The following EHMT2 variants were observed in gnomAD, a reference collection of about 807,000 sequenced individuals.
The protein encoded by EHMT2 is euchromatic histone lysine methyltransferase 2.
A neutral mutation model predicts 143.3 loss-of-function variants in EHMT2; 59 were observed. The observed-to-expected ratio is 0.41, with a 90% confidence interval of 0.33 to 0.51. The LOEUF (loss-of-function observed/expected upper bound fraction) is 0.51. EHMT2 is among the 20% of genes least tolerant of loss of function. EHMT2 has a pLI of 0.18. For missense variants in EHMT2, 1,174 were observed against 1,645.9 expected (o/e 0.71, Z 4.96); for synonymous variants, 604 against 651.5 (o/e 0.93, Z 1.11).
Position 31,883,199 on chromosome 6 carries a change from G to A in EHMT2, c.2994+163C>T, listed in dbSNP as rs1453485948. ...TAGACCTGGGCACACGCCCATCGCT[G>A]TCCCAGCCACATCCCAGGATTCCCA... On this transcript the variant is annotated intron_variant, in intron 23 of 27. Transcript: ENST00000375537. The surrounding 1 kb of genome is among the most constrained non-coding windows in gnomAD (Gnocchi z 5.6). 4 of 884,070 alleles carry A rather than the reference G, an allele frequency of 4.5e-6. No individual in the cohort carries two copies. In the African/African-American group the frequency reaches 5.0e-5, roughly 11 times the overall value. 54.8% of individuals were successfully genotyped at this position (884,070 alleles called of 1,614,324 possible). A position where few individuals can be genotyped will look rare whatever the true frequency, so the allele number is the denominator to read the frequency against.
chr6:31,886,399 T>C, intron 18 of EHMT2, 182 bp downstream of exon 18: 1 of 609,158 alleles, frequency 1.6e-6, no homozygotes, highest in Non-Finnish European at 2.8e-6. Context: ...TGAAACTTGA[T>C]AAAGAGAAAG....
chr6:31,892,347 G>A (rs1765797649), intron 7 of EHMT2, 60 bp downstream of exon 7: 2 of 1,580,584 alleles, frequency 1.3e-6, no homozygotes, highest in Non-Finnish European at 1.7e-6. Context: ...AGGAGGACTG[G>A]ACAGTGAGCC....
In EHMT2 at chr6:31,883,165, T is replaced by C. The variant is rs986999546; in HGVS notation, c.2995-156A>G. On this transcript the variant is annotated intron_variant, in intron 23 of 27. Coordinates refer to ENST00000375537, the Ensembl canonical transcript of EHMT2. This position sits in a 1 kb window ranked among gnomAD's most constrained non-coding sequence, Gnocchi z 5.6. ...GCACGAAATGCAGGAGCATCATCCC[T>C]GGTTTGCATAGACCTGGGCACACGC... 1.2e-6 allele frequency: 1 copy of C among 859,778 alleles called. No individual in the cohort carries two copies. Among genetic ancestry groups the C allele is most frequent in the Non-Finnish European group, 1.9e-6 (1 of 536,544 alleles). 53.3% of individuals were successfully genotyped at this position (859,778 alleles called of 1,614,324 possible).
At position 31,880,106 on chromosome 6, in the gene EHMT2, G is replaced by A. The variant is rs1463520444; in HGVS notation, c.3611C>T (p.Ser1204Phe). ...TTCTCATGTGTTGACAGGGGGCAGG[G>A]AGCCGAGCTCGGGCAGCAGCTCAGG... Residue 1204 changes from serine (S) to phenylalanine (F), a missense_variant, in exon 28 of 28, where the codon TCC becomes TTC. Ser to Phe is a radical substitution (Grantham distance 155, BLOSUM62 -2). This residue lies in a region of EHMT2 where 42 missense variants were observed against 45.1 expected (regional missense o/e 0.93). Coordinates refer to ENST00000375537, the Ensembl canonical transcript of EHMT2. This position sits in a 1 kb window ranked among gnomAD's most constrained non-coding sequence, Gnocchi z 6.6. 7 of 1,612,650 alleles carry A rather than the reference G, an allele frequency of 4.3e-6. No individual in the cohort carries two copies. Among genetic ancestry groups the A allele is most frequent in the Non-Finnish European group, 5.9e-6 (7 of 1,179,996 alleles).
chr6:31,892,460 T>G, exon 7 of EHMT2: 3 of 1,613,006 alleles, frequency 1.9e-6, no homozygotes, highest in African/African-American at 1.3e-5. Context: ...TAGTAGAGAC[T>G]GAAGTCATCA....
In EHMT2 at chr6:31,881,157, C is replaced by T; in HGVS notation, c.3198-65G>A. Reference sequence around the variant, plus strand: ...GCTATTAGGAGGTGGCTCCAGGCCCCATCTCTCTTCACAAGCCTGTGGAAT... The same window carrying T: ...GCTATTAGGAGGTGGCTCCAGGCCCTATCTCTCTTCACAAGCCTGTGGAAT... On this transcript the variant is annotated intron_variant, in intron 25 of 27. Transcript: ENST00000375537. This position sits in a 1 kb window ranked among gnomAD's most constrained non-coding sequence, Gnocchi z 4.8. 2.2e-6 allele frequency: 3 copies of T among 1,370,060 alleles called. No individual in the cohort carries two copies. The highest frequency in any genetic ancestry group is 2.1e-6 in the Non-Finnish European group (2 of 961,604). The allele number at this position is 1,370,060 out of a possible 1,614,324, so 84.9% of individuals were successfully genotyped here.
At position 31,883,513 on chromosome 6, in the gene EHMT2, C is replaced by A. The variant is rs573099934; in HGVS notation, c.2917-74G>T. The A allele has an allele frequency of 2.1e-6, 3 of 1,439,756 alleles. No homozygotes were observed. Among genetic ancestry groups the A allele is most frequent in the Middle Eastern group, 1.7e-4 (1 of 5,772 alleles). 89.2% of individuals were successfully genotyped at this position (1,439,756 alleles called of 1,614,324 possible). A position where few individuals can be genotyped will look rare whatever the true frequency, so the allele number is the denominator to read the frequency against. The stretch of plus-strand genomic sequence containing the variant: ...CCCTCTACTCTTGATGCCCCCTGAC[C>A]CCCTAACCACTGTCCTTTCTTTGGG... On this transcript the variant is annotated intron_variant, in intron 22 of 27. Coordinates refer to ENST00000375537, the Ensembl canonical transcript of EHMT2. The surrounding 1 kb of genome is among the most constrained non-coding windows in gnomAD (Gnocchi z 5.6).
chr6:31,880,391 G>T lies in EHMT2; in HGVS notation c.3453-127C>A. 9.0e-7 allele frequency: 1 copy of T among 1,112,730 alleles called. No homozygotes were observed. Among genetic ancestry groups the T allele is most frequent in the Non-Finnish European group, 1.3e-6 (1 of 788,818 alleles). 68.9% of individuals were successfully genotyped at this position (1,112,730 alleles called of 1,614,324 possible). On this transcript the variant is annotated intron_variant, in intron 27 of 27. Transcript: ENST00000375537. This position sits in a 1 kb window ranked among gnomAD's most constrained non-coding sequence, Gnocchi z 6.6. ...AACCTATCTTCTCCAGATGGGATCT[G>T]AGCCCCTTGTATGTTCTATGGACTT... is the stretch of plus-strand genomic sequence containing the variant.
intron 4 of EHMT2, chr6:31,895,978 G>A (rs1191625047): frequency 3.3e-5 from 12 of 367,652 alleles, no homozygotes; most frequent in Non-Finnish European, 5.8e-5. Flanking sequence ...GAAAGGAAGA[G>A]TGGTTTGAAA....
chr6:31,894,510 T>TGACCTCAGGTGATCCTCCC (rs1392204099), intron 4 of EHMT2, among the ~76,000 whole-genome samples: 6 of 152,138 alleles, frequency 3.9e-5, no homozygotes, highest in Admixed American at 2.0e-4. Context: ...CTCAAACTCC[T>TGACCTCAGGTGATCCTCCC]GACCTCAGGT....
chr6:31,881,097 G>T lies in EHMT2; in HGVS notation c.3198-5C>A. The T allele has an allele frequency of 5.6e-6, 9 of 1,612,444 alleles. No individual in the cohort carries two copies. The highest frequency in any genetic ancestry group is 6.8e-6 in the Non-Finnish European group (8 of 1,179,554). On this transcript the variant is annotated splice_polypyrimidine_tract_variant and splice_region_variant and intron_variant, in intron 25 of 27. Coordinates refer to ENST00000375537, the Ensembl canonical transcript of EHMT2. The surrounding 1 kb of genome is among the most constrained non-coding windows in gnomAD (Gnocchi z 4.8). ...GAGATCAGCTCCCCGACATACCTGT[G>T]GGACAGGAATCCATGGTTCTGAAGG...
At chr6:31,896,072 A>G in intron 4 of EHMT2, 191 bp downstream of exon 4, 1 of 683,868 alleles carries the variant, frequency 1.5e-6, no homozygotes, top group Non-Finnish European at 2.3e-6. Context: ...TCACCACCCA[A>G]GAATGTAAAC....
At position 31,888,380 on chromosome 6, in the gene EHMT2, C is replaced by T; in HGVS notation, c.1492G>A (p.Gly498Ser). Residue 498 changes from glycine to serine, a missense_variant, in exon 12 of 28, where the codon GGC (glycine) becomes AGC (serine). Coordinates refer to ENST00000375537, the Ensembl canonical transcript of EHMT2. This position sits in a 1 kb window ranked among gnomAD's most constrained non-coding sequence, Gnocchi z 7.4. ...TCACTCACCGCCGTGCAGAAGTAGC[C>T]GCAGCCCGGGCAGCAGTGGTGTTTG... The T allele has an allele frequency of 5.0e-6, 8 of 1,612,724 alleles. No homozygotes were observed. Among genetic ancestry groups the T allele is most frequent in the Admixed American group, 1.7e-5 (1 of 59,988 alleles).
In EHMT2 at chr6:31,883,474, T is replaced by A. The variant is rs1454864785; in HGVS notation, c.2917-35A>T. 2.5e-6 allele frequency: 4 copies of A among 1,593,582 alleles called. No homozygotes were observed. Among genetic ancestry groups the A allele is most frequent in the Admixed American group, 3.5e-5 (2 of 57,614 alleles). ...GGAGGCAGAGGTCAGCTCAACCCCA[T>A]GATCGGTCTGGGCCCCTCTACTCTT... is the stretch of plus-strand genomic sequence containing the variant. On this transcript the variant is annotated intron_variant, in intron 22 of 27. Transcript: ENST00000375537. This position sits in a 1 kb window ranked among gnomAD's most constrained non-coding sequence, Gnocchi z 5.6.
intron 4 of EHMT2, chr6:31,893,203 A>T (rs1323263488): frequency 3.7e-6 from 2 of 539,662 alleles, no homozygotes; most frequent in East Asian, 6.4e-5. Context: ...CCATATACAC[A>T]GCAGGACTGT....
At chr6:31,896,673 T>C (rs752802369) in exon 3 of EHMT2, 2 of 1,604,858 alleles carry the variant, frequency 1.2e-6, no homozygotes, top group South Asian at 1.1e-5. Flanking sequence ...CCCCAATGAG[T>C]GGTGTAGCCC....
At chr6:31,894,249 C>T (rs1248627957) in intron 4 of EHMT2, among the ~76,000 whole-genome samples, 1 of 151,972 alleles carries the variant, frequency 6.6e-6, no homozygotes, top group African/African-American at 2.4e-5. Flanking sequence ...TGGATTCAAG[C>T]GATTCTCCTG....
At chr6:31,893,145 A>G in intron 4 of EHMT2, 2 of 542,740 alleles carry the variant, frequency 3.7e-6, no homozygotes, top group Non-Finnish European at 6.5e-6. Flanking sequence ...TCCATTTTAC[A>G]GATGAGAAAA....
In EHMT2 at chr6:31,880,375, T is replaced by C; in HGVS notation, c.3453-111A>G. The C allele has an allele frequency of 3.2e-6, 4 of 1,239,706 alleles. No homozygotes were observed. Among genetic ancestry groups the C allele is most frequent in the Non-Finnish European group, 4.5e-6 (4 of 892,074 alleles). The allele number at this position is 1,239,706 out of a possible 1,614,324, so 76.8% of individuals were successfully genotyped here. On this transcript the variant is annotated intron_variant, in intron 27 of 27. Coordinates refer to ENST00000375537, the Ensembl canonical transcript of EHMT2. This position sits in a 1 kb window ranked among gnomAD's most constrained non-coding sequence, Gnocchi z 6.6. ...GAGGGACCCGACACCCAACCTATCT[T>C]CTCCAGATGGGATCTGAGCCCCTTG...
Sources: gnomAD v4.1 joint callset for allele counts (sites outside exome capture counted in the v4.1 genomes callset) on GRCh38, gnomAD v4.1.1 for gene constraint, gnomAD v4.1.1 regional missense constraint, Gnocchi (gnomAD v3.1) non-coding constraint, MANE v1.5 for transcripts, NCBI Gene and HGNC (gene_info 2026-07-23, HGNC 2026-07-21) for gene names.